XIRP2: variants seen among roughly 807,000 people sequenced by gnomAD.
The protein encoded by XIRP2 is xin actin-binding repeat-containing protein 2.
In XIRP2, 236 loss-of-function variants were observed where a neutral mutation model predicts 277.0. The observed-to-expected ratio is 0.85, with a 90% confidence interval of 0.77 to 0.95. XIRP2 has a LOEUF of 0.95. Ranked by LOEUF, XIRP2 falls within the 40% of genes least tolerant of loss-of-function variation. The probability of loss-of-function intolerance (pLI) is 0.00; values close to 1 mark genes in which losing one functional copy is unlikely to be tolerated. For synonymous variants in XIRP2, 1,490 were observed against 1,416.5 expected (o/e 1.05, Z -1.17); for missense variants, 4,640 against 4,157.5 (o/e 1.12, Z -3.19).
chr2:167,028,108 A>T (rs995867973), intron 2 of XIRP2, among the ~76,000 whole-genome samples: 12 of 152,094 alleles, frequency 7.9e-5, no homozygotes, highest in Non-Finnish European at 2.9e-5. Flanking sequence ...TATTCCAAGT[A>T]ATCTTATTTA....
intron 2 of XIRP2, among the ~76,000 whole-genome samples, chr2:166,965,330 G>C (rs1159324713): frequency 6.6e-6 from 1 of 151,816 alleles, no homozygotes; most frequent in African/African-American, 2.4e-5. Context: ...CTTTGAATCA[G>C]TCCTTACTTT....
At chr2:167,153,270 A>T (rs1692067956) in intron 3 of XIRP2, among the ~76,000 whole-genome samples, 1 of 152,176 alleles carries the variant, frequency 6.6e-6, no homozygotes, top group African/African-American at 2.4e-5. Context: ...CAAACCCAAA[A>T]TTAAATCCTG....
Position 167,259,425 on chromosome 2 carries a change from A to C in XIRP2, c.*1608A>C. ...TGAGAGATATTGATGTTCTGAAATAAGATTTTATGAATTTGGATACCCTTT... is the reference window on the plus strand; with the variant it reads ...TGAGAGATATTGATGTTCTGAAATACGATTTTATGAATTTGGATACCCTTT... On this transcript the variant is annotated 3_prime_UTR_variant, in exon 11 of 11. Transcript: ENST00000409195. 6.8e-7 allele frequency: 1 copy of C among 1,473,984 alleles called. No homozygotes were observed. The highest frequency in any genetic ancestry group is 9.0e-7 in the Non-Finnish European group (1 of 1,106,236). 91.3% of individuals were successfully genotyped at this position (1,473,984 alleles called of 1,614,324 possible).
intron 10 of XIRP2, among the ~76,000 whole-genome samples, chr2:167,257,070 A>T (rs1023392443): frequency 2.6e-5 from 4 of 151,836 alleles, no homozygotes; most frequent in Non-Finnish European, 5.9e-5. Flanking sequence ...CTGTTCTCTG[A>T]TTGGCATGTG....
At chr2:167,041,194 C>T (rs1005744444) in intron 2 of XIRP2, among the ~76,000 whole-genome samples, 10 of 152,052 alleles carry the variant, frequency 6.6e-5, no homozygotes, top group African/African-American at 2.2e-4. Flanking sequence ...TAACTTCAAA[C>T]ATTAAAGGAA....
chr2:166,891,870 T>G (rs111663714), intron 1 of XIRP2, among the ~76,000 whole-genome samples: 2,725 of 152,280 alleles, frequency 0.018, 95 homozygotes, highest in African/African-American at 0.062. Flanking sequence ...TTACCTAACC[T>G]TAACTTGCTT....
At chr2:167,162,539 A>G (rs892478719) in intron 3 of XIRP2, among the ~76,000 whole-genome samples, 1 of 152,174 alleles carries the variant, frequency 6.6e-6, no homozygotes, top group African/African-American at 2.4e-5. Flanking sequence ...CTATCACGAG[A>G]ACAGCATGGG....
chr2:167,067,947 G>A (rs541721622), intron 2 of XIRP2, among the ~76,000 whole-genome samples: 1 of 152,062 alleles, frequency 6.6e-6, no homozygotes, highest in East Asian at 1.9e-4. Context: ...CAAAGACTTG[G>A]AAAGTCTTTC....
intron 3 of XIRP2, among the ~76,000 whole-genome samples, chr2:167,174,216 A>T (rs1008612809): frequency 6.6e-6 from 1 of 152,200 alleles, no homozygotes; most frequent in Non-Finnish European, 1.5e-5. Context: ...TACTTCTGGT[A>T]GAATTCGGCT....
intron 2 of XIRP2, among the ~76,000 whole-genome samples, chr2:167,018,877 C>T (rs184694016): frequency 1.1e-4 from 16 of 152,152 alleles, no homozygotes; most frequent in Admixed American, 6.6e-4. Flanking sequence ...TAGTCTGTCC[C>T]CCAGGATCAC....
At chr2:166,945,663 C>CTTTTTT (rs71395267) in intron 2 of XIRP2, among the ~76,000 whole-genome samples, 125 of 69,278 alleles carry the variant, frequency 1.8e-3, no homozygotes, top group Non-Finnish European at 2.2e-3. Flanking sequence ...TAAGATAAAT[C>CTTTTTT]TTTTTTTTTT....
intron 4 of XIRP2, among the ~76,000 whole-genome samples, chr2:167,217,178 A>G (rs900474297): frequency 2.5e-4 from 38 of 150,248 alleles, no homozygotes; most frequent in African/African-American, 8.4e-4. Flanking sequence ...GATATACCTA[A>G]TGCTAGATGA....
chr2:167,162,458 G>A (rs73019980), intron 3 of XIRP2, among the ~76,000 whole-genome samples: 15,053 of 152,144 alleles, frequency 0.099, 801 homozygotes, highest in South Asian at 0.15. Context: ...ACACTGTGAG[G>A]GGCAAGAGAA....
At chr2:167,203,676 T>C (rs1158398883) in intron 3 of XIRP2, among the ~76,000 whole-genome samples, 2 of 152,204 alleles carry the variant, frequency 1.3e-5, no homozygotes, top group Non-Finnish European at 2.9e-5. Context: ...TATTTCTTGG[T>C]TTTATAATAT....
intron 2 of XIRP2, among the ~76,000 whole-genome samples, chr2:167,013,558 G>A (rs1687740278): frequency 1.3e-5 from 2 of 151,256 alleles, no homozygotes; most frequent in South Asian, 2.1e-4. Flanking sequence ...AATGCATGGA[G>A]AATATATATA....
intron 2 of XIRP2, among the ~76,000 whole-genome samples, chr2:167,036,526 C>A (rs1349131068): frequency 6.6e-6 from 1 of 152,090 alleles, no homozygotes; most frequent in Admixed American, 6.6e-5. Context: ...AATACCTGTA[C>A]CCCCATTGTA....
At position 167,241,922 on chromosome 2, in the gene XIRP2, TCTTTACACAGAAA is replaced by T. The variant is rs1225758554; in HGVS notation, c.1176+14_1176+26del. 1 of 1,607,346 alleles carries T rather than the reference TCTTTACACAGAAA, an allele frequency of 6.2e-7. No homozygotes were observed. ...CCAAGCAGATTAAGGTAAAGTCATT[TCTTTACACAGAAA>T]CATACTAAGTGTAAGACCAAGCTTA... On this transcript the variant is annotated intron_variant, in intron 8 of 10. Coordinates refer to ENST00000409195, the MANE Select transcript of XIRP2 (RefSeq NM_152381.6).
chr2:167,178,308 A>G (rs73025731), intron 3 of XIRP2, among the ~76,000 whole-genome samples: 15,040 of 152,178 alleles, frequency 0.099, 801 homozygotes, highest in South Asian at 0.15. Context: ...GACTCAACAT[A>G]TAACTATGAA....
chr2:167,116,059 G>A (rs139563417), intron 2 of XIRP2, among the ~76,000 whole-genome samples: 1 of 152,164 alleles, frequency 6.6e-6, no homozygotes, highest in African/African-American at 2.4e-5. Flanking sequence ...CTAGAATATG[G>A]TCTATCTTGG....
Sources: allele counts gnomAD v4.1 joint callset (sites outside exome capture counted in the v4.1 genomes callset), GRCh38; gene constraint gnomAD v4.1.1; transcripts MANE v1.5; gene names NCBI Gene and HGNC (gene_info 2026-07-23, HGNC 2026-07-21).